ATP8B4: variants seen among roughly 807,000 people sequenced by gnomAD.
ATP8B4 encodes probable phospholipid-transporting ATPase IM.
A neutral mutation model predicts 145.6 loss-of-function variants in ATP8B4; 133 were observed. The ratio of observed to expected loss-of-function variants is 0.91; its 90% CI spans 0.79 to 1.05. ATP8B4 has a LOEUF of 1.05. ATP8B4 is among the 50% of genes least tolerant of loss of function. The pLI, the probability that ATP8B4 is intolerant of heterozygous loss-of-function variation, is 0.00. For synonymous variants in ATP8B4, 507 were observed against 492.9 expected, an observed-to-expected ratio of 1.03 and a Z score of -0.38; for missense variants, 1,458 against 1,425.2, an observed-to-expected ratio of 1.02 and a Z score of -0.37.
chr15:50,131,627 GTAACATTTCAA>G (rs2044048547), intron 1 of ATP8B4, among the ~76,000 whole-genome samples: 1 of 151,944 alleles, frequency 6.6e-6, no homozygotes, highest in Non-Finnish European at 1.5e-5. Context: ...AAAAAGGGGA[GTAACATTTCAA>G]TATCTTATAA....
intron 3 of ATP8B4, among the ~76,000 whole-genome samples, chr15:50,065,831 A>C (rs2053344301): frequency 6.6e-6 from 1 of 152,128 alleles, no homozygotes; most frequent in Non-Finnish European, 1.5e-5. Context: ...TTTTTAACTT[A>C]AAATTTACTT....
chr15:50,135,497 C>T (rs923724306), intron 1 of ATP8B4, among the ~76,000 whole-genome samples: 3 of 152,104 alleles, frequency 2.0e-5, no homozygotes, highest in African/African-American at 7.2e-5. Flanking sequence ...CATATCTGCC[C>T]GAGATCACTT....
intron 3 of ATP8B4, among the ~76,000 whole-genome samples, chr15:50,072,653 C>A (rs1389355910): frequency 6.6e-6 from 1 of 151,672 alleles, no homozygotes; most frequent in Non-Finnish European, 1.5e-5. Flanking sequence ...ATGGAGTCTC[C>A]CTCTGTCACC....
intron 23 of ATP8B4, among the ~76,000 whole-genome samples, chr15:49,886,155 C>T (rs373446629): frequency 7.9e-5 from 12 of 152,266 alleles, no homozygotes; most frequent in Admixed American, 5.2e-4. Flanking sequence ...CTAACTCACC[C>T]GTGGGGCCCA....
intron 3 of ATP8B4, among the ~76,000 whole-genome samples, chr15:50,055,869 T>C (rs1405008014): frequency 2.0e-5 from 3 of 152,104 alleles, no homozygotes; most frequent in South Asian, 4.1e-4. Flanking sequence ...CCCAAAAGAA[T>C]GCATGTATGG....
intron 9 of ATP8B4, among the ~76,000 whole-genome samples, chr15:49,991,603 A>G (rs1199283783): frequency 6.6e-6 from 1 of 152,164 alleles, no homozygotes; most frequent in East Asian, 1.9e-4. Flanking sequence ...CAAGTTATGT[A>G]TCTTTTCTTA....
intron 24 of ATP8B4, among the ~76,000 whole-genome samples, chr15:49,878,262 C>T (rs1297565988): frequency 6.6e-6 from 1 of 152,170 alleles, no homozygotes; most frequent in Non-Finnish European, 1.5e-5. Context: ...AATGAATGTG[C>T]TTAATCCTTT....
chr15:50,164,079 T>C (rs2044561028), intron 1 of ATP8B4, among the ~76,000 whole-genome samples: 1 of 152,170 alleles, frequency 6.6e-6, no homozygotes, highest in South Asian at 2.1e-4. Flanking sequence ...CAGGAGCCAA[T>C]GCCTGGAGTC....
At chr15:50,072,219 T>C (rs1449120599) in intron 3 of ATP8B4, among the ~76,000 whole-genome samples, 2 of 152,084 alleles carry the variant, frequency 1.3e-5, no homozygotes, top group Non-Finnish European at 2.9e-5. Flanking sequence ...CCCCTGGGAC[T>C]CTCATATTTC....
intron 1 of ATP8B4, among the ~76,000 whole-genome samples, chr15:50,166,768 A>G (rs928088631): frequency 6.6e-6 from 1 of 152,234 alleles, no homozygotes; most frequent in African/African-American, 2.4e-5. Context: ...GAGCCAAAGC[A>G]GAAAGATTTG....
intron 21 of ATP8B4, 44 bp from the exon 22 acceptor site, chr15:49,898,295 A>C (rs749660068): frequency 1.3e-6 from 2 of 1,560,258 alleles, no homozygotes; most frequent in East Asian, 4.6e-5. Context: ...AGGAAACAAT[A>C]AATGAGGGTT....
intron 1 of ATP8B4, among the ~76,000 whole-genome samples, chr15:50,149,640 C>A (rs555455096): frequency 1.8e-4 from 27 of 152,078 alleles, no homozygotes; most frequent in African/African-American, 6.0e-4. Flanking sequence ...GAATGAAATT[C>A]TAATAGAGGC....
intron 16 of ATP8B4, among the ~76,000 whole-genome samples, chr15:49,929,687 C>A (rs983897010): frequency 6.6e-6 from 1 of 151,808 alleles, no homozygotes; most frequent in African/African-American, 2.4e-5. Context: ...GAATAGTCAG[C>A]AAAGGAGCTT....
At chr15:49,976,555 G>A (rs1222333078) in intron 12 of ATP8B4, among the ~76,000 whole-genome samples, 1 of 151,962 alleles carries the variant, frequency 6.6e-6, no homozygotes, top group Non-Finnish European at 1.5e-5. Flanking sequence ...CCTTAAGAAT[G>A]GCATTATGAG....
chr15:50,070,229 T>C (rs919907022), intron 3 of ATP8B4, among the ~76,000 whole-genome samples: 1 of 152,134 alleles, frequency 6.6e-6, no homozygotes, highest in African/African-American at 2.4e-5. Context: ...TGGAGTGATA[T>C]TCTTTAAAGC....
chr15:49,879,901 T>A (rs140082745), intron 23 of ATP8B4: 9 of 152,862 alleles, frequency 5.9e-5, no homozygotes, highest in African/African-American at 2.2e-4. Context: ...GTTATTTCTA[T>A]CCTGTGTTAA....
chr15:50,017,716 C>A (rs1374758190), intron 6 of ATP8B4, among the ~76,000 whole-genome samples: 1 of 152,178 alleles, frequency 6.6e-6, no homozygotes, highest in Non-Finnish European at 1.5e-5. Flanking sequence ...CATAGCAACA[C>A]AGACAAAGCG....
chr15:49,991,596 G>A (rs1376159115), intron 9 of ATP8B4, among the ~76,000 whole-genome samples: 3 of 152,090 alleles, frequency 2.0e-5, no homozygotes, highest in African/African-American at 7.2e-5. Flanking sequence ...ATTAGATCAA[G>A]TTATGTATCT....
intron 2 of ATP8B4, among the ~76,000 whole-genome samples, chr15:50,080,333 TA>T (rs2054462391): frequency 6.6e-6 from 1 of 152,192 alleles, no homozygotes; most frequent in Non-Finnish European, 1.5e-5. Context: ...AGTTAAATAT[TA>T]GGGAACATTT....
Sources: allele counts gnomAD v4.1 joint callset (sites outside exome capture counted in the v4.1 genomes callset), GRCh38; gene constraint gnomAD v4.1.1; transcripts MANE v1.5; gene names NCBI Gene and HGNC (gene_info 2026-07-23, HGNC 2026-07-21).